Variants in PABPC4L observed in about 807,000 individuals in gnomAD.
PABPC4L encodes the protein poly(A) binding protein cytoplasmic 4 like, also known as polyadenylate-binding protein 4-like.
For missense variants in PABPC4L, 452 were observed against 451.4 expected (o/e 1.00, Z -0.01); for synonymous variants, 169 against 164.1 (o/e 1.03, Z -0.23).
chr4:134,167,961 A>T, the PABPC4L span, among the ~76,000 whole-genome samples: 2 of 152,080 alleles, frequency 1.3e-5, no homozygotes, highest in African/African-American at 4.8e-5. Flanking sequence ...CTTATAGAAC[A>T]TTTCATATAA....
the PABPC4L span, among the ~76,000 whole-genome samples, chr4:134,123,711 A>G: frequency 6.6e-6 from 1 of 152,210 alleles, no homozygotes; most frequent in African/African-American, 2.4e-5. Context: ...AGAAAGTCTG[A>G]CCAACATTTT....
At chr4:134,101,912 C>A in the PABPC4L span, among the ~76,000 whole-genome samples, 1 of 151,394 alleles carries the variant, frequency 6.6e-6, no homozygotes, top group Admixed American at 6.6e-5. Flanking sequence ...TTCATTCAAC[C>A]CATGCTTTAA....
the PABPC4L span, among the ~76,000 whole-genome samples, chr4:134,057,555 C>A: frequency 6.6e-6 from 1 of 152,034 alleles, no homozygotes; most frequent in Admixed American, 6.6e-5. Flanking sequence ...ACAGGTGTGA[C>A]CCTATTACTG....
chr4:133,978,976 G>T, the PABPC4L span: 1 of 152,078 alleles, frequency 6.6e-6, no homozygotes, highest in Non-Finnish European at 1.5e-5. Flanking sequence ...AATTTGAAAA[G>T]ACGCAATTAT....
At chr4:133,970,971 G>C in the PABPC4L span, among the ~76,000 whole-genome samples, 1 of 151,920 alleles carries the variant, frequency 6.6e-6, no homozygotes, top group African/African-American at 2.4e-5. Flanking sequence ...ATGATATTTT[G>C]TTATAGTAGC....
the PABPC4L span, among the ~76,000 whole-genome samples, chr4:134,155,190 T>C: frequency 6.6e-6 from 1 of 152,050 alleles, no homozygotes; most frequent in African/African-American, 2.4e-5. Flanking sequence ...GTACTTTAAT[T>C]TGACGGGCCT....
the PABPC4L span, among the ~76,000 whole-genome samples, chr4:134,136,208 T>C: frequency 7.2e-5 from 11 of 152,078 alleles, no homozygotes; most frequent in Non-Finnish European, 2.9e-5. Flanking sequence ...AAGTAGACAA[T>C]CTCCCATCCC....
At chr4:134,120,302 G>A in the PABPC4L span, among the ~76,000 whole-genome samples, 1 of 147,184 alleles carries the variant, frequency 6.8e-6, no homozygotes, top group African/African-American at 2.5e-5. Context: ...ATGAACTAGA[G>A]TGATTTTTTA....
chr4:133,960,033 T>C, the PABPC4L span, among the ~76,000 whole-genome samples: 1 of 152,216 alleles, frequency 6.6e-6, no homozygotes, highest in African/African-American at 2.4e-5. Context: ...ACGATATTCT[T>C]TTTTGGACAG....
the PABPC4L span, among the ~76,000 whole-genome samples, chr4:134,183,558 G>A: frequency 6.6e-6 from 1 of 151,006 alleles, no homozygotes; most frequent in Non-Finnish European, 1.5e-5. Context: ...CCAAACCCCT[G>A]AGACACAAAA....
the PABPC4L span, among the ~76,000 whole-genome samples, chr4:134,162,135 A>C: frequency 2.0e-5 from 3 of 152,120 alleles, no homozygotes; most frequent in African/African-American, 7.2e-5. Context: ...ATAACTTTTA[A>C]ACAAAGGAAG....
At chr4:133,988,287 T>C in the PABPC4L span, among the ~76,000 whole-genome samples, 1 of 152,146 alleles carries the variant, frequency 6.6e-6, no homozygotes, top group Non-Finnish European at 1.5e-5. Context: ...ATTGAAAATA[T>C]CAAGTCCAAG....
At chr4:134,201,351 A>G in intron 1 of PABPC4L, 106 bp from the exon 2 acceptor site, 2 of 1,196,028 alleles carry the variant, frequency 1.7e-6, no homozygotes, top group Non-Finnish European at 1.1e-6. Context: ...CATTCTCCAC[A>G]GACGCCCTGG....
chr4:134,201,168 T>C lies in PABPC4L; in HGVS notation c.-149A>G, dbSNP rs1729868258. On this transcript the variant is annotated 5_prime_UTR_variant, in exon 2 of 2. Transcript: ENST00000421491. Reference sequence around the variant, plus strand: ...CCAAGCAATGGAGTTCAGACACGACTCCCCCAGCTCAGGCAACACCCTCAT... The same window carrying C: ...CCAAGCAATGGAGTTCAGACACGACCCCCCCAGCTCAGGCAACACCCTCAT... The C allele has an allele frequency of 1.3e-6, 2 of 1,548,396 alleles. No individual in the cohort carries two copies. Among genetic ancestry groups the C allele is most frequent in the Non-Finnish European group, 1.7e-6 (2 of 1,146,062 alleles).
chr4:134,109,565 G>A, the PABPC4L span, among the ~76,000 whole-genome samples: 1 of 151,720 alleles, frequency 6.6e-6, no homozygotes, highest in Non-Finnish European at 1.5e-5. Context: ...GTATTTATAA[G>A]AGAACAATGC....
chr4:134,169,786 G>C, the PABPC4L span, among the ~76,000 whole-genome samples: 2 of 151,562 alleles, frequency 1.3e-5, no homozygotes, highest in Non-Finnish European at 2.9e-5. Context: ...AAATTGAAGA[G>C]GACAAAAAAA....
chr4:134,133,973 A>G, the PABPC4L span, among the ~76,000 whole-genome samples: 2 of 152,168 alleles, frequency 1.3e-5, no homozygotes, highest in African/African-American at 4.8e-5. Context: ...AAGAGATGCT[A>G]TTCTCAATTT....
At chr4:134,147,503 T>C in the PABPC4L span, among the ~76,000 whole-genome samples, 3 of 152,152 alleles carry the variant, frequency 2.0e-5, no homozygotes, top group Non-Finnish European at 4.4e-5. Context: ...GTCAAATGTG[T>C]AATCAAGGGG....
At chr4:133,978,796 C>T in the PABPC4L span, 1 of 152,094 alleles carries the variant, frequency 6.6e-6, no homozygotes, top group Non-Finnish European at 1.5e-5. Flanking sequence ...GTTTCACTAA[C>T]TTTAGCAAAT....
Sources: allele counts gnomAD v4.1 joint callset (sites outside exome capture counted in the v4.1 genomes callset), GRCh38; gene constraint gnomAD v4.1.1; transcripts MANE v1.5; gene names NCBI Gene and HGNC (gene_info 2026-07-23, HGNC 2026-07-21).